MITF: variants seen among roughly 807,000 people sequenced by gnomAD.
The protein encoded by MITF is microphthalmia-associated transcription factor.
In MITF, 17 loss-of-function variants were observed where a neutral mutation model predicts 60.5. The ratio of observed to expected loss-of-function variants is 0.28; its 90% CI spans 0.19 to 0.42. The LOEUF is 0.42. Ranked by LOEUF, MITF falls within the 10% of genes least tolerant of loss-of-function variation. MITF has a pLI of 1.00. For missense variants in MITF, 622 were observed against 683.5 expected, an observed-to-expected ratio of 0.91 and a Z score of 1.00; for synonymous variants, 260 against 248.5, an observed-to-expected ratio of 1.05 and a Z score of -0.43.
intron 1 of MITF, among the ~76,000 whole-genome samples, chr3:69,853,038 TA>T (rs543065358): frequency 0.01 from 1,561 of 151,674 alleles, 29 homozygotes; most frequent in African/African-American, 0.035. Flanking sequence ...AATAAAACAT[TA>T]AAAAAAAATT....
At chr3:69,883,221 C>T (rs552367611) in intron 2 of MITF, among the ~76,000 whole-genome samples, 1 of 152,230 alleles carries the variant, frequency 6.6e-6, no homozygotes, top group Admixed American at 6.5e-5. Flanking sequence ...TCAAGAGTTG[C>T]GCAAATTGCT....
chr3:69,763,755 C>A, intron 1 of MITF: 1 of 1,359,292 alleles, frequency 7.4e-7, no homozygotes. Flanking sequence ...TGATTGTCCT[C>A]TCCTTTTGCT....
chr3:69,766,376 A>ATTTTTTTT (rs753953309), intron 1 of MITF, among the ~76,000 whole-genome samples: 1 of 95,122 alleles, frequency 1.1e-5, no homozygotes, highest in African/African-American at 4.5e-5. Flanking sequence ...TGCCCAGCTA[A>ATTTTTTTT]TTTTTTTTTT....
At chr3:69,961,924 G>C (rs1383233888) in intron 9 of MITF, among the ~76,000 whole-genome samples, 1 of 152,220 alleles carries the variant, frequency 6.6e-6, no homozygotes, top group African/African-American at 2.4e-5. Flanking sequence ...TTTTCTTCCA[G>C]TGACGGTGTG....
At chr3:69,950,457 TA>T (rs2066216383) in intron 6 of MITF, among the ~76,000 whole-genome samples, 1 of 147,100 alleles carries the variant, frequency 6.8e-6, no homozygotes, top group Non-Finnish European at 1.5e-5. Context: ...GTTATATATA[TA>T]TATATATATA....
At chr3:69,836,578 A>G (rs558769631) in intron 1 of MITF, among the ~76,000 whole-genome samples, 13 of 152,218 alleles carry the variant, frequency 8.5e-5, no homozygotes, top group African/African-American at 2.9e-4. Context: ...CTTTCTCATG[A>G]CAATTTTACA....
chr3:69,796,517 T>TTTTTTTTTTTTTTTTG (rs1265319379), intron 1 of MITF, among the ~76,000 whole-genome samples: 1 of 117,288 alleles, frequency 8.5e-6, no homozygotes, highest in Non-Finnish European at 1.9e-5. Context: ...TTTTTTTTTT[T>TTTTTTTTTTTTTTTTG]GAGACGGAGT....
At chr3:69,876,928 G>A (rs1328507758) in intron 1 of MITF, among the ~76,000 whole-genome samples, 1 of 152,106 alleles carries the variant, frequency 6.6e-6, no homozygotes, top group Non-Finnish European at 1.5e-5. Context: ...CTTTATAGTT[G>A]AGGGGAGTAA....
intron 1 of MITF, among the ~76,000 whole-genome samples, chr3:69,800,076 C>T (rs966277044): frequency 6.6e-6 from 1 of 152,120 alleles, no homozygotes; most frequent in Non-Finnish European, 1.5e-5. Flanking sequence ...TCCATCACCC[C>T]AATAAGAAGC....
intron 1 of MITF, among the ~76,000 whole-genome samples, chr3:69,789,378 C>G (rs374322554): frequency 5.3e-5 from 8 of 152,044 alleles, no homozygotes; most frequent in African/African-American, 4.8e-5. Context: ...CCAACAAGCA[C>G]GTGAAAAAGT....
chr3:69,755,693 G>T (rs903221790), intron 1 of MITF, among the ~76,000 whole-genome samples: 1 of 151,854 alleles, frequency 6.6e-6, no homozygotes, highest in African/African-American at 2.4e-5. Context: ...GAGAGATTTC[G>T]ATTATATTAC....
intron 1 of MITF, among the ~76,000 whole-genome samples, chr3:69,816,276 C>A (rs2063180415): frequency 6.6e-6 from 1 of 152,142 alleles, no homozygotes; most frequent in Admixed American, 6.6e-5. Context: ...ATCTCATTCT[C>A]CCCAAATGTA....
chr3:69,778,936 A>G (rs1256417788), intron 1 of MITF: 2 of 152,198 alleles, frequency 1.3e-5, no homozygotes, highest in Non-Finnish European at 2.9e-5. Flanking sequence ...CAGGGAATGT[A>G]TGATGGAAAA....
rs567508627 is a variant in MITF, at chr3:69,901,504, C to A, written c.354+22121C>A. 2.6e-5 allele frequency among the ~76,000 whole-genome samples: 4 copies of A among 152,172 alleles called. No homozygotes were observed. In the South Asian group the frequency reaches 8.3e-4, roughly 32 times the overall value. Reference sequence around the variant, plus strand: ...TTCATCTCCTATCCCTCCCCCAATCCCCACACTTCAATTTTCTTTAAGATT... The same window carrying A: ...TTCATCTCCTATCCCTCCCCCAATCACCACACTTCAATTTTCTTTAAGATT... On this transcript the variant is annotated intron_variant, in intron 2 of 9. Transcript: ENST00000352241.
At chr3:69,838,394 A>G (rs1186904982) in intron 1 of MITF, among the ~76,000 whole-genome samples, 2 of 152,188 alleles carry the variant, frequency 1.3e-5, no homozygotes, top group Admixed American at 6.5e-5. Context: ...GTGATGAGTA[A>G]ATGAAACAAC....
intron 1 of MITF, among the ~76,000 whole-genome samples, chr3:69,744,460 C>T (rs145247212): frequency 2.6e-5 from 4 of 152,160 alleles, no homozygotes; most frequent in East Asian, 1.9e-4. Flanking sequence ...GGCTGGGTGA[C>T]GTCTAATTTC....
chr3:69,882,639 T>A (rs1482481915), intron 2 of MITF, among the ~76,000 whole-genome samples: 1 of 152,174 alleles, frequency 6.6e-6, no homozygotes, highest in African/African-American at 2.4e-5. Context: ...ATGCAAGTCA[T>A]GCAAACCTGA....
intron 2 of MITF, among the ~76,000 whole-genome samples, chr3:69,918,808 T>C (rs2065396505): frequency 6.6e-6 from 1 of 152,200 alleles, no homozygotes; most frequent in Non-Finnish European, 1.5e-5. Context: ...TCTCTTATTT[T>C]CTTTTCTCTG....
chr3:69,941,563 C>T lies in MITF; in HGVS notation c.762+232C>T, dbSNP rs79668299. ...AAAACTCTACATTCCCTGGAGTCCACGAGCAGTTTTGATAGGGCATTAGCC... is the reference window on the plus strand; with the variant it reads ...AAAACTCTACATTCCCTGGAGTCCATGAGCAGTTTTGATAGGGCATTAGCC... On this transcript the variant is annotated intron_variant, in intron 5 of 9. Coordinates refer to ENST00000352241, the MANE Select transcript of MITF (RefSeq NM_001354604.2). 5.9e-3 allele frequency among the ~76,000 whole-genome samples: 892 copies of T among 152,282 alleles called. 6 individuals carry two copies. Among genetic ancestry groups the T allele is most frequent in the African/African-American group, 0.02 (817 of 41,554 alleles).
Sources: gnomAD v4.1 joint callset for allele counts (sites outside exome capture counted in the v4.1 genomes callset) on GRCh38, gnomAD v4.1.1 for gene constraint, MANE v1.5 for transcripts, NCBI Gene and HGNC (gene_info 2026-07-23, HGNC 2026-07-21) for gene names.